The following LDLRAD4 variants were observed in gnomAD, a reference collection of about 807,000 sequenced individuals.
The protein encoded by LDLRAD4 is low-density lipoprotein receptor class A domain-containing protein 4.
A neutral mutation model predicts 17.0 loss-of-function variants in LDLRAD4; 5 were observed. The ratio of observed to expected loss-of-function variants is 0.29; its 90% CI spans 0.15 to 0.62. The LOEUF (loss-of-function observed/expected upper bound fraction) is 0.62. Ranked by LOEUF, LDLRAD4 falls within the 20% of genes least tolerant of loss-of-function variation. The pLI, the probability that LDLRAD4 is intolerant of heterozygous loss-of-function variation, is 0.84. For missense variants in LDLRAD4, 340 were observed against 424.7 expected, an observed-to-expected ratio of 0.80 and a Z score of 1.75; for synonymous variants, 168 against 171.8, an observed-to-expected ratio of 0.98 and a Z score of 0.17.
At chr18:13,532,077 C>T (rs1244093732) in intron 3 of LDLRAD4, among the ~76,000 whole-genome samples, 2 of 152,146 alleles carry the variant, frequency 1.3e-5, no homozygotes, top group African/African-American at 4.8e-5. Context: ...CTGGTCCATG[C>T]AGGGTGATGG....
chr18:13,452,662 T>C (rs1013085626), intron 3 of LDLRAD4, among the ~76,000 whole-genome samples: 3 of 152,178 alleles, frequency 2.0e-5, no homozygotes, highest in Admixed American at 6.5e-5. Context: ...GTCCTGACAG[T>C]CAGCATCTTG....
intron 1 of LDLRAD4, among the ~76,000 whole-genome samples, chr18:13,290,006 T>C (rs1259331602): frequency 6.6e-6 from 1 of 152,210 alleles, no homozygotes; most frequent in Non-Finnish European, 1.5e-5. Flanking sequence ...TTGGGGAGTT[T>C]TACTGTGTGG....
chr18:13,254,832 C>G (rs2043416798), intron 1 of LDLRAD4, among the ~76,000 whole-genome samples: 1 of 152,140 alleles, frequency 6.6e-6, no homozygotes, highest in Non-Finnish European at 1.5e-5. Context: ...GGCGTAGTGG[C>G]ACTTGCCTGT....
intron 3 of LDLRAD4, among the ~76,000 whole-genome samples, chr18:13,552,537 C>G (rs1207450125): frequency 6.6e-6 from 1 of 152,218 alleles, no homozygotes; most frequent in Non-Finnish European, 1.5e-5. Flanking sequence ...ATCCTTCCCC[C>G]TGGCCTCCTC....
chr18:13,632,263 C>T (rs1045847381), intron 4 of LDLRAD4, among the ~76,000 whole-genome samples: 12 of 152,256 alleles, frequency 7.9e-5, no homozygotes, highest in African/African-American at 2.9e-4. Flanking sequence ...CCCACTTCCC[C>T]TGGCAGGCTG....
chr18:13,421,155 G>T (rs551141548), intron 2 of LDLRAD4: 1 of 152,454 alleles, frequency 6.6e-6, no homozygotes, highest in East Asian at 1.9e-4. Flanking sequence ...CCAGGCTGCC[G>T]GTTCCAGCCC....
chr18:13,470,583 A>G (rs1038500566), intron 3 of LDLRAD4, among the ~76,000 whole-genome samples: 1 of 147,498 alleles, frequency 6.8e-6, no homozygotes, highest in Non-Finnish European at 1.5e-5. Flanking sequence ...AGCTCTAGGC[A>G]TGTTTGTTGA....
chr18:13,281,984 C>T (rs547458119), intron 1 of LDLRAD4, among the ~76,000 whole-genome samples: 5 of 152,230 alleles, frequency 3.3e-5, no homozygotes, highest in South Asian at 4.1e-4. Context: ...AGAATCATGA[C>T]GGGAGGCGAA....
intron 3 of LDLRAD4, among the ~76,000 whole-genome samples, chr18:13,566,472 C>T (rs2094603742): frequency 6.6e-6 from 1 of 151,200 alleles, no homozygotes; most frequent in African/African-American, 2.4e-5. Flanking sequence ...AAGTGATTCT[C>T]CTGCCTCAGC....
intron 4 of LDLRAD4, among the ~76,000 whole-genome samples, chr18:13,625,308 T>G (rs925674724): frequency 1.3e-5 from 2 of 152,212 alleles, no homozygotes; most frequent in Admixed American, 1.3e-4. Context: ...GTCTTTCTGC[T>G]GGAAGCCTGG....
chr18:13,527,477 C>T (rs552880833), intron 3 of LDLRAD4, among the ~76,000 whole-genome samples: 41 of 152,310 alleles, frequency 2.7e-4, no homozygotes, highest in African/African-American at 9.4e-4. Context: ...TCCAGAAGAC[C>T]TTGTTCTTCC....
chr18:13,571,551 G>A (rs1486195523), intron 3 of LDLRAD4, among the ~76,000 whole-genome samples: 2 of 152,212 alleles, frequency 1.3e-5, no homozygotes, highest in South Asian at 2.1e-4. Context: ...GCATGATGGC[G>A]TTGGGTAGTT....
intron 3 of LDLRAD4, among the ~76,000 whole-genome samples, chr18:13,574,597 G>A (rs562026269): frequency 1.3e-5 from 2 of 152,114 alleles, no homozygotes; most frequent in Admixed American, 6.5e-5. Flanking sequence ...AACTTTCCTC[G>A]CTGCCTGAGA....
intron 3 of LDLRAD4, among the ~76,000 whole-genome samples, chr18:13,500,292 C>T (rs1005059776): frequency 2.6e-5 from 4 of 152,232 alleles, no homozygotes; most frequent in African/African-American, 9.6e-5. Flanking sequence ...ATTGCGTCGT[C>T]TCTCAAAGTC....
chr18:13,601,457 A>G (rs542536420), intron 3 of LDLRAD4, among the ~76,000 whole-genome samples: 192 of 152,278 alleles, frequency 1.3e-3, no homozygotes, highest in Non-Finnish European at 1.8e-3. Context: ...CTATTATTAA[A>G]AAGACAAAAA....
chr18:13,292,041 A>G (rs537769559), intron 1 of LDLRAD4, among the ~76,000 whole-genome samples: 1 of 152,310 alleles, frequency 6.6e-6, no homozygotes, highest in Admixed American at 6.5e-5. Context: ...GTCTGTCCAC[A>G]TGCATTTGCT....
chr18:13,494,200 T>A (rs1371212680), intron 3 of LDLRAD4, among the ~76,000 whole-genome samples: 2 of 152,138 alleles, frequency 1.3e-5, no homozygotes, highest in Non-Finnish European at 2.9e-5. Flanking sequence ...ATTCACTGTA[T>A]CCCAACCTGC....
intron 2 of LDLRAD4, chr18:13,423,823 C>T (rs992554270): frequency 1.3e-5 from 2 of 152,238 alleles, no homozygotes; most frequent in African/African-American, 4.8e-5. Flanking sequence ...GTACAAGAAA[C>T]TTATATACTT....
intron 4 of LDLRAD4, among the ~76,000 whole-genome samples, chr18:13,642,931 T>TG (rs1315913897): frequency 1.4e-5 from 2 of 139,860 alleles, no homozygotes; most frequent in Admixed American, 6.9e-5. Context: ...ATTTTTTGTT[T>TG]TTTTTTTTTC....
Sources: allele counts gnomAD v4.1 joint callset (sites outside exome capture counted in the v4.1 genomes callset), GRCh38; gene constraint gnomAD v4.1.1; transcripts MANE v1.5; gene names NCBI Gene and HGNC (gene_info 2026-07-23, HGNC 2026-07-21).